Variants in LIN28B observed in about 807,000 individuals in gnomAD.
LIN28B encodes lin-28 RNA binding posttranscriptional regulator B, also known as protein lin-28 homolog B.
A neutral mutation model predicts 21.9 loss-of-function variants in LIN28B; 5 were observed. That is an observed-to-expected ratio of 0.23 (90% CI 0.12 to 0.48). The LOEUF (loss-of-function observed/expected upper bound fraction) is 0.48, where lower values mean the gene tolerates loss of function less well. LIN28B is among the 20% of genes least tolerant of loss of function. The pLI, the probability that LIN28B is intolerant of heterozygous loss-of-function variation, is 0.98. For synonymous variants in LIN28B, 109 were observed against 111.3 expected (o/e 0.98, Z 0.13); for missense variants, 245 against 310.5 (o/e 0.79, Z 1.58).
intron 2 of LIN28B, among the ~76,000 whole-genome samples, chr6:105,016,180 C>T (rs1350642444): frequency 6.6e-6 from 1 of 151,944 alleles, no homozygotes; most frequent in African/African-American, 2.4e-5. Context: ...GCACCCATTT[C>T]TTGTGATTCA....
intron 2 of LIN28B, among the ~76,000 whole-genome samples, chr6:104,996,671 A>G (rs947726366): frequency 2.0e-5 from 3 of 152,230 alleles, no homozygotes; most frequent in African/African-American, 7.2e-5. Context: ...TATGGTTTTA[A>G]TTGATAAACT....
chr6:105,081,429 C>A lies in LIN28B; in HGVS notation c.*2646C>A, dbSNP rs978853817. On this transcript the variant is annotated 3_prime_UTR_variant, in exon 4 of 4. Coordinates refer to ENST00000345080, the MANE Select transcript of LIN28B (RefSeq NM_001004317.4). The stretch of plus-strand genomic sequence containing the variant: ...AGGTAAAATATTACTCTGTTTACAG[C>A]AAAAGGCTACCTCATAGTTGATACA... 2.0e-5 allele frequency: 3 copies of A among 152,598 alleles called. No homozygotes were observed. Among genetic ancestry groups the A allele is most frequent in the Non-Finnish European group, 4.4e-5 (3 of 68,034 alleles). 9.5% of individuals were successfully genotyped at this position (152,598 alleles called of 1,614,324 possible).
chr6:105,063,647 G>GAA lies in LIN28B; in HGVS notation c.384-14767_384-14766insAA, dbSNP rs1393664709. ...CAAGACTCCATCTCGGGGGGGGGGG[G>GAA]GAAAAAAAGGTAAAGTAAAGGATAA... On this transcript the variant is annotated intron_variant, in intron 3 of 3. Transcript: ENST00000345080. Among the ~76,000 whole-genome samples, 686 of 117,934 alleles carry GAA rather than the reference G, an allele frequency of 5.8e-3. 26 individuals are homozygous for GAA. The highest frequency in any genetic ancestry group is 0.028 in the African/African-American group (657 of 23,852). The allele number at this position is 117,934 out of a possible 152,430, so 77.4% of individuals were successfully genotyped here.
intron 2 of LIN28B, among the ~76,000 whole-genome samples, chr6:104,993,327 G>A (rs114034237): frequency 0.018 from 2,732 of 152,080 alleles, 90 homozygotes; most frequent in African/African-American, 0.063. Context: ...AAATTAGCTG[G>A]GCATGGTGGA....
chr6:104,957,953 G>C (rs1778314256), intron 1 of LIN28B, 146 bp from the exon 2 acceptor site: 7 of 486,404 alleles, frequency 1.4e-5, no homozygotes, highest in Non-Finnish European at 2.2e-5. Flanking sequence ...ATTTTCTGTG[G>C]AGAAAAGAAA....
chr6:104,950,542 TTTAA>T (rs1187774860), intron 3 of LIN28B: 8 of 1,157,648 alleles, frequency 6.9e-6, no homozygotes, highest in Middle Eastern at 3.2e-4. Context: ...AAATATTTTG[TTTAA>T]TTAATGTTTT....
intron 3 of LIN28B, among the ~76,000 whole-genome samples, chr6:105,027,936 T>A (rs1004483025): frequency 6.6e-6 from 1 of 152,164 alleles, no homozygotes; most frequent in Non-Finnish European, 1.5e-5. Context: ...TAAATTCCAT[T>A]TTCATTGACA....
At chr6:105,005,163 C>T (rs536540820) in intron 2 of LIN28B, among the ~76,000 whole-genome samples, 22 of 152,196 alleles carry the variant, frequency 1.4e-4, no homozygotes, top group African/African-American at 4.8e-4. Flanking sequence ...TTCTGGTGTT[C>T]GCTGTTGCTG....
intron 3 of LIN28B, among the ~76,000 whole-genome samples, chr6:105,064,229 A>G (rs955145647): frequency 6.6e-6 from 1 of 152,230 alleles, no homozygotes; most frequent in Non-Finnish European, 1.5e-5. Flanking sequence ...AATTTATTGA[A>G]CACAGTTAAG....
At chr6:104,951,939 A>C (rs1778225699) in intron 3 of LIN28B, among the ~76,000 whole-genome samples, 1 of 152,032 alleles carries the variant, frequency 6.6e-6, no homozygotes, top group East Asian at 1.9e-4. Flanking sequence ...ACACATGCTG[A>C]TTTGCTTCAG....
At chr6:105,052,781 T>C (rs1771933155) in intron 3 of LIN28B, among the ~76,000 whole-genome samples, 1 of 152,210 alleles carries the variant, frequency 6.6e-6, no homozygotes, top group Admixed American at 6.5e-5. Flanking sequence ...TTCTCTCTTG[T>C]TTCTTGATCA....
chr6:104,947,155 C>T (rs1582856806), intron 2 of LIN28B, among the ~76,000 whole-genome samples: 1 of 152,212 alleles, frequency 6.6e-6, no homozygotes, highest in East Asian at 1.9e-4. Context: ...GACAGAGTCT[C>T]ACTGTGTCAC....
At chr6:105,072,512 G>T (rs1404726361) in intron 3 of LIN28B, among the ~76,000 whole-genome samples, 1 of 152,020 alleles carries the variant, frequency 6.6e-6, no homozygotes, top group Non-Finnish European at 1.5e-5. Flanking sequence ...CATGATGCTG[G>T]CTTCTATATT....
chr6:104,972,824 A>G (rs1367821512), intron 2 of LIN28B, among the ~76,000 whole-genome samples: 1 of 152,058 alleles, frequency 6.6e-6, no homozygotes, highest in African/African-American at 2.4e-5. Context: ...AATCTTAACA[A>G]ATGAGGCCGG....
chr6:105,012,566 G>T (rs558974461), intron 2 of LIN28B, among the ~76,000 whole-genome samples: 2 of 152,110 alleles, frequency 1.3e-5, no homozygotes, highest in South Asian at 4.2e-4. Flanking sequence ...TGAAATTTTG[G>T]CAAGCTAATT....
At chr6:104,991,236 C>T (rs1290365474) in intron 2 of LIN28B, among the ~76,000 whole-genome samples, 1 of 151,094 alleles carries the variant, frequency 6.6e-6, no homozygotes. Context: ...GCGGGGGCTG[C>T]CCCCTGCCTC....
chr6:105,028,966 G>A (rs1462785956), intron 3 of LIN28B, among the ~76,000 whole-genome samples: 5 of 152,148 alleles, frequency 3.3e-5, no homozygotes, highest in Non-Finnish European at 1.5e-5. Flanking sequence ...GGGAAAGTCA[G>A]GGAAAGAAAA....
Position 105,083,302 on chromosome 6 carries a change from T to C in LIN28B, c.*4519T>C, listed in dbSNP as rs1041499386. ...GTTGAGGTTTAAAAAAATTACTTGA[T>C]TAAAAATAAAACATATAACGTTGGC... On this transcript the variant is annotated 3_prime_UTR_variant, in exon 4 of 4. Coordinates refer to ENST00000345080, the MANE Select transcript of LIN28B (RefSeq NM_001004317.4). 2 of 152,264 alleles carry C rather than the reference T, an allele frequency of 1.3e-5. No individual in the cohort carries two copies. Among genetic ancestry groups the C allele is most frequent in the Non-Finnish European group, 2.9e-5 (2 of 68,032 alleles). The allele number at this position is 152,264 out of a possible 1,614,324, so 9.4% of individuals were successfully genotyped here.
intron 2 of LIN28B, among the ~76,000 whole-genome samples, chr6:104,969,176 C>T (rs1167995264): frequency 2.6e-5 from 4 of 152,064 alleles, no homozygotes; most frequent in African/African-American, 9.7e-5. Flanking sequence ...AATTTAGTCA[C>T]ATTATTGGCC....
Sources: gnomAD v4.1 joint callset for allele counts (sites outside exome capture counted in the v4.1 genomes callset) on GRCh38, gnomAD v4.1.1 for gene constraint, MANE v1.5 for transcripts, NCBI Gene and HGNC (gene_info 2026-07-23, HGNC 2026-07-21) for gene names.